DACH1: variants seen among roughly 807,000 people sequenced by gnomAD.
DACH1 encodes the protein dachshund family transcription factor 1.
In DACH1, 12 loss-of-function variants were observed where a neutral mutation model predicts 54.2. The ratio of observed to expected loss-of-function variants is 0.22; its 90% CI spans 0.14 to 0.36. The LOEUF is 0.36. Among genes scored for constraint, DACH1 ranks in the 10% least tolerant of loss-of-function variants. DACH1 has a pLI of 1.00. For missense variants in DACH1, 805 were observed against 929.8 expected (o/e 0.87, Z 1.75); for synonymous variants, 386 against 366.2 (o/e 1.05, Z -0.62).
chr13:71,747,385 C>G (rs1177438900), intron 1 of DACH1, among the ~76,000 whole-genome samples: 1 of 152,122 alleles, frequency 6.6e-6, no homozygotes, highest in Admixed American at 6.5e-5. Context: ...TCAAGACCAG[C>G]CTGGCCAACA....
At chr13:71,773,024 T>A (rs1885923993) in intron 1 of DACH1, among the ~76,000 whole-genome samples, 1 of 151,790 alleles carries the variant, frequency 6.6e-6, no homozygotes, top group Non-Finnish European at 1.5e-5. Context: ...ACATAGTACA[T>A]ATATCCTAGG....
At chr13:71,623,336 A>G (rs1360164961) in intron 3 of DACH1, among the ~76,000 whole-genome samples, 3 of 151,680 alleles carry the variant, frequency 2.0e-5, no homozygotes, top group Admixed American at 6.6e-5. Flanking sequence ...CTCATATGAC[A>G]TTTTAAAATA....
chr13:71,729,241 GCTTT>G (rs1032666228), intron 1 of DACH1, among the ~76,000 whole-genome samples: 27 of 152,046 alleles, frequency 1.8e-4, no homozygotes, highest in African/African-American at 5.3e-4. Context: ...AAATGAATTT[GCTTT>G]CTTTTTATTT....
chr13:71,455,562 A>G (rs1275864339), intron 10 of DACH1, among the ~76,000 whole-genome samples: 7 of 152,166 alleles, frequency 4.6e-5, no homozygotes, highest in Non-Finnish European at 8.8e-5. Flanking sequence ...TTCTCAGATC[A>G]AAAATATCTC....
chr13:71,479,467 C>CT (rs1263425127), intron 7 of DACH1, 151 bp from the exon 8 acceptor site: 9 of 637,448 alleles, frequency 1.4e-5, no homozygotes, highest in Non-Finnish European at 2.3e-5. Context: ...AATACTATAA[C>CT]TAAAGCATAA....
chr13:71,672,075 G>A (rs1880238109), intron 2 of DACH1, among the ~76,000 whole-genome samples: 1 of 152,082 alleles, frequency 6.6e-6, no homozygotes, highest in Non-Finnish European at 1.5e-5. Flanking sequence ...AAATTGTGGT[G>A]CCATGACTGA....
chr13:71,623,736 C>G (rs776776040), intron 3 of DACH1, among the ~76,000 whole-genome samples: 4 of 151,650 alleles, frequency 2.6e-5, no homozygotes, highest in African/African-American at 9.7e-5. Flanking sequence ...ATAAAAAAGA[C>G]GAGCAGTTAA....
intron 1 of DACH1, among the ~76,000 whole-genome samples, chr13:71,801,049 A>T (rs1408121487): frequency 6.6e-6 from 1 of 150,480 alleles, no homozygotes; most frequent in African/African-American, 2.5e-5. Flanking sequence ...TGCATTATAC[A>T]CATGTAACTT....
At chr13:71,562,476 T>C (rs1209261772) in intron 4 of DACH1, among the ~76,000 whole-genome samples, 3 of 152,052 alleles carry the variant, frequency 2.0e-5, no homozygotes, top group Non-Finnish European at 4.4e-5. Flanking sequence ...AACTAACTTG[T>C]TCAGAGACGT....
intron 1 of DACH1, among the ~76,000 whole-genome samples, chr13:71,832,829 T>A (rs976383789): frequency 6.6e-6 from 1 of 151,954 alleles, no homozygotes; most frequent in Non-Finnish European, 1.5e-5. Flanking sequence ...TTAAGTTAAA[T>A]GACCAAGCCA....
At chr13:71,633,895 C>T (rs1877283638) in intron 2 of DACH1, among the ~76,000 whole-genome samples, 1 of 152,076 alleles carries the variant, frequency 6.6e-6, no homozygotes, top group African/African-American at 2.4e-5. Flanking sequence ...TAGCACGTCC[C>T]CCATCTCCAA....
intron 1 of DACH1, among the ~76,000 whole-genome samples, chr13:71,832,411 CATA>C (rs964601711): frequency 1.3e-5 from 2 of 151,656 alleles, no homozygotes; most frequent in African/African-American, 4.8e-5. Flanking sequence ...ATGGGGCCTG[CATA>C]AACATAAAAA....
At chr13:71,504,577 A>G (rs1048759275) in intron 6 of DACH1, among the ~76,000 whole-genome samples, 1 of 152,140 alleles carries the variant, frequency 6.6e-6, no homozygotes, top group African/African-American at 2.4e-5. Context: ...ATGGAATTTG[A>G]GATGTAATAA....
chr13:71,593,464 T>C (rs1171852113), intron 3 of DACH1, among the ~76,000 whole-genome samples: 1 of 152,148 alleles, frequency 6.6e-6, no homozygotes, highest in Non-Finnish European at 1.5e-5. Context: ...TTTTAACTGG[T>C]AAATGAAAGC....
intron 6 of DACH1, among the ~76,000 whole-genome samples, chr13:71,519,953 A>G (rs1407566754): frequency 7.7e-6 from 1 of 129,446 alleles, no homozygotes; most frequent in East Asian, 2.5e-4. Context: ...AAGCCTTTGA[A>G]CAGGAATCAA....
rs536609182 is a variant in DACH1, at chr13:71,845,150, A to T, written c.848+20772T>A. Among the ~76,000 whole-genome samples, 3 of 152,286 alleles carry T rather than the reference A, an allele frequency of 2.0e-5. No homozygotes were observed. In the South Asian group the frequency reaches 6.2e-4, roughly 32 times the overall value. ...CACCAAGAAATGATAAATGTTTGAG[A>T]TGATGGATATGGTAATTACCCTGAT... On this transcript the variant is annotated intron_variant, in intron 1 of 10. Coordinates refer to ENST00000613252, the MANE Select transcript of DACH1 (RefSeq NM_080759.6).
At chr13:71,522,821 T>G (rs1881699744) in intron 6 of DACH1, among the ~76,000 whole-genome samples, 1 of 152,134 alleles carries the variant, frequency 6.6e-6, no homozygotes, top group Admixed American at 6.6e-5. Flanking sequence ...GTATACTATT[T>G]CGCTTTTTGA....
At chr13:71,672,185 A>C (rs1050753107) in intron 2 of DACH1, among the ~76,000 whole-genome samples, 1 of 152,180 alleles carries the variant, frequency 6.6e-6, no homozygotes, top group African/African-American at 2.4e-5. Context: ...TTAGGTTTAT[A>C]TTAGCACTTT....
intron 1 of DACH1, among the ~76,000 whole-genome samples, chr13:71,802,305 A>G (rs1373111675): frequency 6.6e-6 from 1 of 152,134 alleles, no homozygotes; most frequent in Non-Finnish European, 1.5e-5. Flanking sequence ...TTTGAGAAAT[A>G]GGGCTATCAG....
Sources: allele counts gnomAD v4.1 joint callset (sites outside exome capture counted in the v4.1 genomes callset), GRCh38; gene constraint gnomAD v4.1.1; transcripts MANE v1.5; gene names NCBI Gene and HGNC (gene_info 2026-07-23, HGNC 2026-07-21).